NLRP3: variants seen among roughly 807,000 people sequenced by gnomAD.
NLRP3 encodes the protein NACHT, LRR and PYD domains-containing protein 3.
In NLRP3, 48 loss-of-function variants were observed where a neutral mutation model predicts 91.3. The observed-to-expected ratio is 0.53, with a 90% CI of 0.42 to 0.67. The LOEUF (loss-of-function observed/expected upper bound fraction) is 0.67. NLRP3 is among the 30% of genes least tolerant of loss of function. The pLI is 0.00. For missense variants in NLRP3, 982 were observed against 1,276.9 expected, an observed-to-expected ratio of 0.77 and a Z score of 3.52; for synonymous variants, 561 against 507.9, an observed-to-expected ratio of 1.10 and a Z score of -1.41.
At chr1:247,433,451 C>T (rs915341742) in intron 5 of NLRP3, among the ~76,000 whole-genome samples, 5 of 152,212 alleles carry the variant, frequency 3.3e-5, no homozygotes, top group African/African-American at 1.2e-4. Context: ...CAGGAGCGCA[C>T]CATTCACATG....
intron 5 of NLRP3, among the ~76,000 whole-genome samples, chr1:247,431,123 G>A (rs1005263410): frequency 5.3e-5 from 8 of 152,164 alleles, no homozygotes; most frequent in African/African-American, 1.4e-4. Flanking sequence ...GGCGGAGATG[G>A]CAGTGAGCCG....
chr1:247,424,804 G>C lies in NLRP3; in HGVS notation c.1355G>C (p.Arg452Pro). ...TTCCTTTCCAGTTTGCTGCAGCCCC[G>C]GGGAGGGAGCCAGGAGCACGGCCTC... The part of the protein sequence containing the change: ...VFFLSSLLQP[R>P]GGSQEHGLCA... Residue 452 changes from arginine to proline, a missense_variant, in exon 4 of 10, where the codon CGG (arginine) becomes CCG (proline). Transcript: ENST00000336119. This position sits in a 1 kb window ranked among gnomAD's most constrained non-coding sequence, Gnocchi z 8.1. The C allele has an allele frequency of 6.2e-7, 1 of 1,609,150 alleles. No individual in the cohort carries two copies. The highest frequency in any genetic ancestry group is 1.3e-5 in the African/African-American group (1 of 75,060).
intron 2 of NLRP3, among the ~76,000 whole-genome samples, 176 bp from the exon 3 acceptor site, chr1:247,423,054 C>A (rs947446739): frequency 6.6e-6 from 1 of 152,186 alleles, no homozygotes; most frequent in African/African-American, 2.4e-5. Flanking sequence ...ACTAGGAGTG[C>A]AGAAATGCTC....
intron 4 of NLRP3, among the ~76,000 whole-genome samples, chr1:247,428,817 T>A (rs1200594689): frequency 1.3e-5 from 2 of 152,062 alleles, no homozygotes; most frequent in African/African-American, 4.8e-5. Context: ...AAAAAAAATT[T>A]AAAAAATTCA....
chr1:247,448,234 G>A (rs1429983211), intron 9 of NLRP3, among the ~76,000 whole-genome samples, 171 bp from the exon 10 acceptor site: 1 of 151,018 alleles, frequency 6.6e-6, no homozygotes, highest in East Asian at 1.9e-4. Context: ...CGACGGCGGC[G>A]AGGACGCGGA....
At position 247,418,381 on chromosome 1, in the gene NLRP3, A is replaced by G. The variant is rs960891498; in HGVS notation, c.-420A>G. 6.7e-6 allele frequency: 2 copies of G among 296,702 alleles called. No individual in the cohort carries two copies. Among genetic ancestry groups the G allele is most frequent in the African/African-American group, 4.4e-5 (2 of 45,018 alleles). 18.4% of individuals were successfully genotyped at this position (296,702 alleles called of 1,614,324 possible). A position where few individuals can be genotyped will look rare whatever the true frequency, so the allele number is the denominator to read the frequency against. ...CAGTGGCGTGATCTTGGCTCACTGC[A>G]GCCTCCACTTCCCGGGTTCAATCAA... On this transcript the variant is annotated 5_prime_UTR_variant, in exon 2 of 10. Transcript: ENST00000336119.
At chr1:247,443,724 C>T (rs995660506) in intron 7 of NLRP3, among the ~76,000 whole-genome samples, 1 of 152,150 alleles carries the variant, frequency 6.6e-6, no homozygotes, top group African/African-American at 2.4e-5. Flanking sequence ...GGGTAACTGG[C>T]TCAGTTTGCC....
At chr1:247,416,409 G>A (rs928762470) in intron 1 of NLRP3, among the ~76,000 whole-genome samples, 1 of 152,152 alleles carries the variant, frequency 6.6e-6, no homozygotes, top group Non-Finnish European at 1.5e-5. Context: ...GGGGGGAAGC[G>A]GGGAGGACAG....
chr1:247,435,934 A>G, intron 6 of NLRP3, 36 bp from the exon 7 acceptor site: 2 of 1,608,944 alleles, frequency 1.2e-6, no homozygotes, highest in Non-Finnish European at 1.7e-6. Context: ...AGCGTGGGTG[A>G]GAGACATGAC....
At chr1:247,440,459 C>G (rs2103206896) in intron 7 of NLRP3, among the ~76,000 whole-genome samples, 1 of 152,272 alleles carries the variant, frequency 6.6e-6, no homozygotes, top group East Asian at 1.9e-4. Flanking sequence ...AATATTGACC[C>G]TTTGTTCAAA....
chr1:247,424,803 C>G lies in NLRP3; in HGVS notation c.1354C>G (p.Arg452Gly). 1 of 1,609,268 alleles carries G rather than the reference C, an allele frequency of 6.2e-7. No individual in the cohort carries two copies. Among genetic ancestry groups the G allele is most frequent in the South Asian group, 1.1e-5 (1 of 91,086 alleles). ...VFFLSSLLQP[R>G]GGSQEHGLCA... ...CTTCCTTTCCAGTTTGCTGCAGCCC[C>G]GGGGAGGGAGCCAGGAGCACGGCCT... Residue 452 changes from arginine to glycine, a missense_variant, in exon 4 of 10, where the codon CGG becomes GGG. Around this residue, in one of 5 missense-constraint regions of NLRP3, gnomAD observed 548 missense variants for 713.7 expected, o/e 0.77. Coordinates refer to ENST00000336119, the MANE Select transcript of NLRP3 (RefSeq NM_001243133.2). The surrounding 1 kb of genome is among the most constrained non-coding windows in gnomAD (Gnocchi z 8.1).
chr1:247,441,804 G>A (rs1419754195), intron 7 of NLRP3, among the ~76,000 whole-genome samples: 3 of 152,128 alleles, frequency 2.0e-5, no homozygotes, highest in Admixed American at 1.3e-4. Flanking sequence ...TGGATATGAC[G>A]TTTTCTTAAC....
At chr1:247,423,184 C>G in intron 2 of NLRP3, 46 bp from the exon 3 acceptor site, 1 of 1,613,062 alleles carries the variant, frequency 6.2e-7, no homozygotes, top group Non-Finnish European at 8.5e-7. Flanking sequence ...ATTGCATCCT[C>G]TGTGATAATA....
chr1:247,448,766 T>C lies in NLRP3; in HGVS notation c.*262T>C. 1.9e-6 allele frequency: 1 copy of C among 523,616 alleles called. No individual in the cohort carries two copies. The highest frequency in any genetic ancestry group is 3.5e-6 in the Non-Finnish European group (1 of 288,720). The allele number at this position is 523,616 out of a possible 1,614,324, so 32.4% of individuals were successfully genotyped here. On this transcript the variant is annotated 3_prime_UTR_variant, in exon 10 of 10. Transcript: ENST00000336119. The stretch of plus-strand genomic sequence containing the variant: ...CAGCGCCTCAGTTAGAGGATGTTCC[T>C]CTTGGTGACCTCATGTAATTAGCTC...
chr1:247,446,920 C>T (rs1033003745), intron 9 of NLRP3, among the ~76,000 whole-genome samples: 1 of 152,170 alleles, frequency 6.6e-6, no homozygotes, highest in Non-Finnish European at 1.5e-5. Flanking sequence ...TGCTGCAGGA[C>T]AAGCCAATAT....
At chr1:247,429,479 C>T in intron 4 of NLRP3, 106 bp from the exon 5 acceptor site, 17 of 1,273,566 alleles carry the variant, frequency 1.3e-5, no homozygotes, top group East Asian at 2.3e-5. Context: ...TCTTAATCCC[C>T]GGAAGGCATT....
At chr1:247,430,075 C>A (rs539239882) in intron 5 of NLRP3, among the ~76,000 whole-genome samples, 1 of 152,174 alleles carries the variant, frequency 6.6e-6, no homozygotes, top group Admixed American at 6.5e-5. Flanking sequence ...GGGGTTTCAT[C>A]ATGTTGTCCA....
intron 4 of NLRP3, 110 bp from the exon 5 acceptor site, chr1:247,429,475 T>C: frequency 8.1e-7 from 1 of 1,236,418 alleles, no homozygotes; most frequent in Non-Finnish European, 1.2e-6. Flanking sequence ...CATTTCTTAA[T>C]CCCCGGAAGG....
At chr1:247,423,774 C>G in intron 3 of NLRP3, 73 bp from the exon 4 acceptor site, 2 of 1,356,150 alleles carry the variant, frequency 1.5e-6, no homozygotes, top group Non-Finnish European at 2.1e-6. Flanking sequence ...CTTCCGATGA[C>G]AGGCCCCAGC....
Sources: gnomAD v4.1 joint callset for allele counts (sites outside exome capture counted in the v4.1 genomes callset) on GRCh38, gnomAD v4.1.1 for gene constraint, gnomAD v4.1.1 regional missense constraint, Gnocchi (gnomAD v3.1) non-coding constraint, MANE v1.5 for transcripts, NCBI Gene and HGNC (gene_info 2026-07-23, HGNC 2026-07-21) for gene names.